The following ARFIP1 variants were observed in gnomAD, a reference collection of about 807,000 sequenced individuals.
The protein encoded by ARFIP1 is ARF interacting protein 1.
ARFIP1 carries 24 observed loss-of-function variants against 42.5 expected under a neutral mutation model. The observed-to-expected ratio is 0.57, with a 90% CI of 0.41 to 0.80. The LOEUF (loss-of-function observed/expected upper bound fraction) is 0.80, where lower values mean the gene tolerates loss of function less well. ARFIP1 is among the 30% of genes least tolerant of loss of function. The probability of loss-of-function intolerance (pLI) is 0.00; values close to 1 mark genes in which losing one functional copy is unlikely to be tolerated. For synonymous variants in ARFIP1, 141 were observed against 153.7 expected, an observed-to-expected ratio of 0.92 and a Z score of 0.61; for missense variants, 354 against 434.0, an observed-to-expected ratio of 0.82 and a Z score of 1.64.
intron 1 of ARFIP1, among the ~76,000 whole-genome samples, chr4:152,791,601 C>A (rs961223998): frequency 6.6e-6 from 1 of 152,026 alleles, no homozygotes; most frequent in East Asian, 1.9e-4. Context: ...TTTGTAAAGA[C>A]GTAAATACAG....
chr4:152,858,669 A>G (rs1041904698), intron 2 of ARFIP1, among the ~76,000 whole-genome samples: 7 of 152,222 alleles, frequency 4.6e-5, no homozygotes, highest in Admixed American at 2.0e-4. Flanking sequence ...TGATCCCCCT[A>G]TATCTCAGGT....
intron 1 of ARFIP1, among the ~76,000 whole-genome samples, chr4:152,820,033 C>G (rs960089772): frequency 2.0e-5 from 3 of 152,006 alleles, no homozygotes; most frequent in Non-Finnish European, 4.4e-5. Context: ...AAAAGAGGTG[C>G]CTGTCTGTGA....
In ARFIP1 at chr4:152,826,315, G is replaced by C. The variant is rs145333554; in HGVS notation, c.-9-3310G>C. Among the ~76,000 whole-genome samples the C allele has an allele frequency of 2.3e-3, 354 of 152,264 alleles. 2 individuals are homozygous for C. The highest frequency in any genetic ancestry group is 8.0e-3 in the African/African-American group (334 of 41,544). On this transcript the variant is annotated intron_variant, in intron 1 of 8. Transcript: ENST00000353617. ...AAAGAATGAAATAATATCTTGCAGTGACTTGGATAGAACCAATAATGGTAG... is the reference window on the plus strand; with the variant it reads ...AAAGAATGAAATAATATCTTGCAGTCACTTGGATAGAACCAATAATGGTAG...
rs916715224 is a variant in ARFIP1, at chr4:152,872,712, ATTTGT to A, written c.411+152_411+156del. 6.8e-5 allele frequency: 35 copies of A among 514,186 alleles called. 1 individual carries two copies. Among genetic ancestry groups the A allele is most frequent in the African/African-American group, 4.2e-4 (21 of 49,644 alleles). The allele number at this position is 514,186 out of a possible 1,614,324, so 31.9% of individuals were successfully genotyped here. ...TAGAAATACAGTTTGAAAATGAAGT[ATTTGT>A]TTTATCATTGATCTTTGCATGTAAT... is the stretch of plus-strand genomic sequence containing the variant. On this transcript the variant is annotated intron_variant, in intron 5 of 8. Coordinates refer to ENST00000353617, the MANE Select transcript of ARFIP1 (RefSeq NM_001025595.3).
chr4:152,862,937 CTT>C (rs1057221198), intron 2 of ARFIP1, among the ~76,000 whole-genome samples: 9 of 152,126 alleles, frequency 5.9e-5, no homozygotes, highest in African/African-American at 2.2e-4. Context: ...GGAAAAAAAA[CTT>C]AGAATATACT....
chr4:152,854,972 G>A (rs1362756380), intron 2 of ARFIP1, among the ~76,000 whole-genome samples: 1 of 152,218 alleles, frequency 6.6e-6, no homozygotes, highest in East Asian at 1.9e-4. Flanking sequence ...TGGCGGCAGT[G>A]GGCCAGGCAG....
intron 2 of ARFIP1, among the ~76,000 whole-genome samples, chr4:152,835,728 T>C (rs1023409285): frequency 1.3e-5 from 2 of 152,216 alleles, no homozygotes; most frequent in South Asian, 2.1e-4. Flanking sequence ...TCCATACTTA[T>C]GTTGCTATAA....
intron 2 of ARFIP1, among the ~76,000 whole-genome samples, chr4:152,850,310 T>C (rs1040655207): frequency 6.6e-6 from 1 of 152,168 alleles, no homozygotes; most frequent in African/African-American, 2.4e-5. Context: ...TGAACATCTA[T>C]AATCATTTCC....
At chr4:152,822,315 AAAAAGAC>A (rs940566355) in intron 1 of ARFIP1, among the ~76,000 whole-genome samples, 1 of 150,888 alleles carries the variant, frequency 6.6e-6, no homozygotes, top group African/African-American at 2.4e-5. Flanking sequence ...AAAAAAAAAA[AAAAAGAC>A]AAGGTCATTA....
intron 7 of ARFIP1, among the ~76,000 whole-genome samples, chr4:152,887,568 C>A (rs1196254944): frequency 7.9e-5 from 12 of 151,952 alleles, no homozygotes; most frequent in Admixed American, 7.9e-4. Flanking sequence ...TTACATGCCA[C>A]AATGATTAAT....
chr4:152,794,243 T>G (rs984534038), intron 1 of ARFIP1, among the ~76,000 whole-genome samples: 1 of 152,222 alleles, frequency 6.6e-6, no homozygotes, highest in Non-Finnish European at 1.5e-5. Flanking sequence ...GGGTCCTATA[T>G]AGGAACTCAC....
chr4:152,905,553 T>G (rs1209405230), intron 8 of ARFIP1, among the ~76,000 whole-genome samples: 3 of 112,864 alleles, frequency 2.7e-5, no homozygotes, highest in East Asian at 2.6e-4. Flanking sequence ...TTGTTTTTTT[T>G]TTTTTTTTTT....
In ARFIP1 at chr4:152,809,483, G is replaced by A. The variant is rs150946267; in HGVS notation, c.-9-20142G>A. ...TCAAAAGATTAAAATTATGATCTCC[G>A]TGGAGAGGCAGAAAGCTCCCCTAGT... On this transcript the variant is annotated intron_variant, in intron 1 of 8. Transcript: ENST00000353617. Among the ~76,000 whole-genome samples, 394 of 152,300 alleles carry A rather than the reference G, an allele frequency of 2.6e-3. 1 individual carries two copies. Among genetic ancestry groups the A allele is most frequent in the African/African-American group, 9.0e-3 (375 of 41,580 alleles).
At chr4:152,816,667 G>A (rs4490441) in intron 1 of ARFIP1, among the ~76,000 whole-genome samples, 99,010 of 152,098 alleles carry the variant, frequency 0.65, 32,383 homozygotes, top group Admixed American at 0.72. Flanking sequence ...GAGAGCAGGG[G>A]GCTTTGTCCG....
At chr4:152,817,093 G>A (rs138739942) in intron 1 of ARFIP1, among the ~76,000 whole-genome samples, 57 of 152,296 alleles carry the variant, frequency 3.7e-4, no homozygotes, top group African/African-American at 1.0e-3. Context: ...ACAATAGTAG[G>A]TATATAGTAA....
At chr4:152,801,390 G>T (rs1728407068) in intron 1 of ARFIP1, among the ~76,000 whole-genome samples, 1 of 152,178 alleles carries the variant, frequency 6.6e-6, no homozygotes. Context: ...AGAAACAGTG[G>T]AGAGGGCTCT....
chr4:152,878,167 AAT>A (rs1735523816), intron 5 of ARFIP1, among the ~76,000 whole-genome samples: 1 of 152,176 alleles, frequency 6.6e-6, no homozygotes, highest in Admixed American at 6.5e-5. Context: ...TTGCCTCTTG[AAT>A]TTAGCATCAT....
At chr4:152,827,078 G>A (rs1412301578) in intron 1 of ARFIP1, among the ~76,000 whole-genome samples, 2 of 152,142 alleles carry the variant, frequency 1.3e-5, no homozygotes, top group Non-Finnish European at 2.9e-5. Context: ...AGATGAAAAA[G>A]TTTTGGAGAT....
intron 2 of ARFIP1, among the ~76,000 whole-genome samples, chr4:152,841,416 G>T (rs1732068697): frequency 6.6e-6 from 1 of 152,132 alleles, no homozygotes; most frequent in African/African-American, 2.4e-5. Context: ...TGCATTCATT[G>T]TGCTCTTTGT....
Sources: gnomAD v4.1 joint callset for allele counts (sites outside exome capture counted in the v4.1 genomes callset) on GRCh38, gnomAD v4.1.1 for gene constraint, MANE v1.5 for transcripts, NCBI Gene and HGNC (gene_info 2026-07-23, HGNC 2026-07-21) for gene names.